LRRC36: variants seen among roughly 807,000 people sequenced by gnomAD.
LRRC36 encodes leucine rich repeat containing 36.
A neutral mutation model predicts 81.1 loss-of-function variants in LRRC36; 62 were observed. That is an observed-to-expected ratio of 0.76 (90% CI 0.62 to 0.94). LRRC36 has a LOEUF of 0.94. Ranked by LOEUF, LRRC36 falls within the 40% of genes least tolerant of loss-of-function variation. LRRC36 has a pLI of 0.00. For synonymous variants in LRRC36, 334 were observed against 348.6 expected (o/e 0.96, Z 0.47); for missense variants, 761 against 881.7 (o/e 0.86, Z 1.73).
In LRRC36 at chr16:67,326,939, T is replaced by G; in HGVS notation, c.70+7T>G. 2 of 1,496,786 alleles carry G rather than the reference T, an allele frequency of 1.3e-6. No individual in the cohort carries two copies. The allele number at this position is 1,496,786 out of a possible 1,614,324, so 92.7% of individuals were successfully genotyped here. On this transcript the variant is annotated splice_region_variant and intron_variant, in intron 1 of 13. Transcript: ENST00000329956. Reference sequence around the variant, plus strand: ...CTGACGCTGGAGCAGCCGGGTAGGGTCTGGCCGGGAGGGTGTGGACTGGGA... The same window carrying G: ...CTGACGCTGGAGCAGCCGGGTAGGGGCTGGCCGGGAGGGTGTGGACTGGGA...
chr16:67,359,910 G>A (rs2039066699), intron 5 of LRRC36, among the ~76,000 whole-genome samples: 1 of 152,128 alleles, frequency 6.6e-6, no homozygotes. Context: ...ATCATTTGAG[G>A]TCAGGAGTTC....
chr16:67,339,680 G>C (rs530632459), intron 1 of LRRC36, among the ~76,000 whole-genome samples: 2 of 152,230 alleles, frequency 1.3e-5, no homozygotes, highest in East Asian at 1.9e-4. Context: ...TGTAAAACAT[G>C]ACATGCTTCC....
At chr16:67,356,568 T>C (rs890673050) in intron 5 of LRRC36, among the ~76,000 whole-genome samples, 2 of 152,182 alleles carry the variant, frequency 1.3e-5, no homozygotes, top group Non-Finnish European at 2.9e-5. Flanking sequence ...AAATCCTGTG[T>C]TGGGGGTAGG....
chr16:67,338,408 A>G (rs142494106), intron 1 of LRRC36, among the ~76,000 whole-genome samples: 46 of 152,314 alleles, frequency 3.0e-4, no homozygotes, highest in African/African-American at 1.1e-3. Flanking sequence ...TACTTGAAAT[A>G]TGTGAAAAAG....
intron 12 of LRRC36, among the ~76,000 whole-genome samples, chr16:67,381,230 G>GAAAAAA (rs1179228134): frequency 4.9e-5 from 2 of 41,106 alleles, no homozygotes; most frequent in East Asian, 9.5e-4. Context: ...CTCTGCCTCA[G>GAAAAAA]AAAAAAAAAA....
chr16:67,331,781 A>G (rs569758539), intron 1 of LRRC36, among the ~76,000 whole-genome samples: 2 of 151,780 alleles, frequency 1.3e-5, no homozygotes, highest in East Asian at 3.9e-4. Flanking sequence ...TGAGGTTGGG[A>G]GTTTGAGACC....
intron 5 of LRRC36, among the ~76,000 whole-genome samples, chr16:67,355,363 C>CTTTTTTTTTTTTTT (rs1156742689): frequency 1.3e-5 from 1 of 77,704 alleles, no homozygotes; most frequent in Non-Finnish European, 2.7e-5. Flanking sequence ...TTTAAGATGT[C>CTTTTTTTTTTTTTT]TTTTTTTTTT....
chr16:67,350,214 G>C lies in LRRC36; in HGVS notation c.501G>C (p.Lys167Asn), dbSNP rs778838834. The part of the protein sequence containing the change: ...LLEVEKSSRE[K>N]TMKNCVTGES... ...TTCTATGTGGCAGCTCTAGGGAGAA[G>C]ACAATGAAAAACTGTGTAACAGGTG... Residue 167 changes from lysine to asparagine, a missense_variant, in exon 5 of 14, where the codon AAG becomes AAC. This residue lies in a region of LRRC36 where 263 missense variants were observed against 279.3 expected (regional missense o/e 0.94). Transcript: ENST00000329956. 3 of 1,606,520 alleles carry C rather than the reference G, an allele frequency of 1.9e-6. No individual in the cohort carries two copies. The highest frequency in any genetic ancestry group is 2.6e-6 in the Non-Finnish European group (3 of 1,175,610).
chr16:67,366,793 T>G (rs1233840061), intron 7 of LRRC36, among the ~76,000 whole-genome samples: 1 of 152,102 alleles, frequency 6.6e-6, no homozygotes, highest in Non-Finnish European at 1.5e-5. Context: ...ATGTTATAGA[T>G]TCTTTACTGT....
intron 13 of LRRC36, among the ~76,000 whole-genome samples, chr16:67,383,258 C>T (rs2142194316): frequency 6.6e-6 from 1 of 152,234 alleles, no homozygotes; most frequent in African/African-American, 2.4e-5. Context: ...ACCTTCAAGC[C>T]TTCTACTTCA....
At chr16:67,359,516 T>G (rs1233980479) in intron 5 of LRRC36, among the ~76,000 whole-genome samples, 3 of 152,136 alleles carry the variant, frequency 2.0e-5, no homozygotes. Context: ...GGGTTTCTTT[T>G]GGGGGTGATG....
At chr16:67,375,992 G>A (rs866828973) in intron 10 of LRRC36, among the ~76,000 whole-genome samples, 13 of 152,110 alleles carry the variant, frequency 8.5e-5, no homozygotes, top group Non-Finnish European at 1.3e-4. Context: ...AGGAAATTTC[G>A]TTGGTGGTAA....
Position 67,341,942 on chromosome 16 carries a change from A to G in LRRC36, c.71-15A>G. 1 of 1,601,096 alleles carries G rather than the reference A, an allele frequency of 6.2e-7. No homozygotes were observed. The highest frequency in any genetic ancestry group is 8.5e-7 in the Non-Finnish European group (1 of 1,172,828). ...AGCAGGGATCATAATATATCTACTG[A>G]TGATCTCTTTTCAGAACTGGTGGAG... On this transcript the variant is annotated splice_polypyrimidine_tract_variant and intron_variant, in intron 1 of 13. Transcript: ENST00000329956.
At chr16:67,349,653 C>T (rs16942881) in intron 4 of LRRC36, among the ~76,000 whole-genome samples, 4,192 of 152,284 alleles carry the variant, frequency 0.028, 61 homozygotes, top group South Asian at 0.031. Flanking sequence ...AGTTCTAAAT[C>T]TTCTGGCTTT....
chr16:67,368,766 A>G (rs756097073), intron 8 of LRRC36, among the ~76,000 whole-genome samples: 1 of 152,180 alleles, frequency 6.6e-6, no homozygotes, highest in Non-Finnish European at 1.5e-5. Context: ...TCAGCGTAAC[A>G]GATGATGATG....
At chr16:67,343,719 G>A (rs980677085) in intron 2 of LRRC36, among the ~76,000 whole-genome samples, 3 of 151,600 alleles carry the variant, frequency 2.0e-5, no homozygotes, top group Non-Finnish European at 2.9e-5. Flanking sequence ...AAGTTAACAC[G>A]TGTAATCAAA....
At position 67,371,204 on chromosome 16, in the gene LRRC36, A is replaced by G. The variant is rs1434975798; in HGVS notation, c.1456A>G (p.Asn486Asp). The G allele has an allele frequency of 2.5e-6, 4 of 1,614,068 alleles. No individual in the cohort carries two copies. The African/African-American group carries it at 5.3e-5, about 22-fold the overall frequency. Reference sequence around the variant, plus strand: ...GAAGGACAATATCCTTGCCAACCTGAATCTAAAGCATGGTTTCCAAGATGC... The same window carrying G: ...GAAGGACAATATCCTTGCCAACCTGGATCTAAAGCATGGTTTCCAAGATGC... ...KWKDNILANL[N>D]LKHGFQDATG... The change falls in exon 9 of 14, where the codon AAT becomes GAT. Residue 486 changes from asparagine (N) to aspartate (D), a missense_variant. By Grantham distance (23) the Asn-to-Asp change is conservative. Around this residue, in one of 3 missense-constraint regions of LRRC36, gnomAD observed 359 missense variants for 388.4 expected, o/e 0.92. Transcript: ENST00000329956.
At chr16:67,355,801 G>C (rs1455945140) in intron 5 of LRRC36, among the ~76,000 whole-genome samples, 1 of 152,206 alleles carries the variant, frequency 6.6e-6, no homozygotes. Context: ...TGCTACAGAA[G>C]CCCACTGTGT....
intron 9 of LRRC36, among the ~76,000 whole-genome samples, chr16:67,373,996 GA>G (rs2039775296): frequency 6.6e-6 from 1 of 151,812 alleles, no homozygotes; most frequent in South Asian, 2.1e-4. Flanking sequence ...CTGGGCAATA[GA>G]GCAAGACTCT....
Sources: allele counts gnomAD v4.1 joint callset (sites outside exome capture counted in the v4.1 genomes callset), GRCh38; gene constraint gnomAD v4.1.1; regional missense constraint gnomAD v4.1.1; transcripts MANE v1.5; gene names NCBI Gene and HGNC (gene_info 2026-07-23, HGNC 2026-07-21).